The following ASMTL variants were observed in gnomAD, a reference collection of about 807,000 sequenced individuals.
The protein encoded by ASMTL is acetylserotonin O-methyltransferase like.
ASMTL carries 57 observed loss-of-function variants against 60.3 expected under a neutral mutation model. The ratio of observed to expected loss-of-function variants is 0.95; its 90% CI spans 0.76 to 1.18. The LOEUF is 1.18. Ranked by LOEUF, ASMTL falls within the 50% of genes most tolerant of loss-of-function variation. The probability of loss-of-function intolerance (pLI) is 0.00; values close to 1 mark genes in which losing one functional copy is unlikely to be tolerated. For synonymous variants in ASMTL, 419 were observed against 373.0 expected (o/e 1.12, Z -1.42); for missense variants, 981 against 852.6 (o/e 1.15, Z -1.88).
At chrX:1,408,195 A>G (rs2089938890) in intron 12 of ASMTL, among the ~76,000 whole-genome samples, 1 of 59,660 alleles carries the variant, frequency 1.7e-5, no homozygotes, top group African/African-American at 4.9e-5. Flanking sequence ...ACTCCCAAAT[A>G]CTCGGGAGGC....
upstream of ASMTL, among the ~76,000 whole-genome samples, chrX:1,453,436 C>G (rs1206926198): frequency 6.6e-6 from 1 of 151,976 alleles, no homozygotes; most frequent in Non-Finnish European, 1.5e-5. Context: ...CGGCGCTCGC[C>G]CCGCCCCTCC....
chrX:1,415,349 T>G, intron 11 of ASMTL, among the ~76,000 whole-genome samples: 1 of 152,170 alleles, frequency 6.6e-6, no homozygotes, highest in East Asian at 1.9e-4. Flanking sequence ...TGGATGCCCA[T>G]GAATGCTGAT....
chrX:1,423,923 T>C (rs752490532), intron 8 of ASMTL, among the ~76,000 whole-genome samples: 22 of 149,498 alleles, frequency 1.5e-4, no homozygotes, highest in Non-Finnish European at 2.8e-4. Context: ...CATCCACTGA[T>C]GGATCCACTG....
At chrX:1,433,689 A>G (rs1389928345) in intron 5 of ASMTL, among the ~76,000 whole-genome samples, 1 of 151,630 alleles carries the variant, frequency 6.6e-6, no homozygotes, top group Non-Finnish European at 1.5e-5. Flanking sequence ...CAAAAAAGAA[A>G]AAAAAAAGAG....
intron 9 of ASMTL, 46 bp downstream of exon 9, chrX:1,421,612 A>C: frequency 1.9e-6 from 3 of 1,607,712 alleles, no homozygotes; most frequent in Non-Finnish European, 2.6e-6. Context: ...GTGTTTTAGC[A>C]AAATGCACGC....
intron 7 of ASMTL, among the ~76,000 whole-genome samples, chrX:1,426,650 C>T (rs1264463832): frequency 6.6e-6 from 1 of 152,114 alleles, no homozygotes; most frequent in Non-Finnish European, 1.5e-5. Context: ...GTCAGGAGTT[C>T]GAGACCATCC....
In ASMTL at chrX:1,435,601, G is replaced by T. The variant is rs2090941305; in HGVS notation, c.338+93C>A. On this transcript the variant is annotated intron_variant, in intron 4 of 12. Coordinates refer to ENST00000381317, the MANE Select transcript of ASMTL (RefSeq NM_004192.4). ...CAGCTCAGACGGCAGAGCTGACAGA[G>T]ATCCACCCTGCTCCCCAGGACACCC... 5 of 1,241,296 alleles carry T rather than the reference G, an allele frequency of 4.0e-6. No individual in the cohort carries two copies. The South Asian group carries it at 6.1e-5, about 15-fold the overall frequency. The allele number at this position is 1,241,296 out of a possible 1,614,324, so 76.9% of individuals were successfully genotyped here.
At chrX:1,430,802 A>G (rs1379331158) in intron 6 of ASMTL, among the ~76,000 whole-genome samples, 2 of 147,420 alleles carry the variant, frequency 1.4e-5, no homozygotes, top group African/African-American at 4.9e-5. Context: ...TTATATAAAT[A>G]TATAAAATAA....
At chrX:1,437,605 C>G (rs1194885855) in intron 3 of ASMTL, among the ~76,000 whole-genome samples, 12 of 152,022 alleles carry the variant, frequency 7.9e-5, no homozygotes, top group African/African-American at 2.9e-4. Context: ...GGCTTATGAA[C>G]AAAAGACATG....
chrX:1,419,889 G>C (rs2090425755), intron 9 of ASMTL, among the ~76,000 whole-genome samples: 1 of 152,094 alleles, frequency 6.6e-6, no homozygotes, highest in Non-Finnish European at 1.5e-5. Flanking sequence ...GTGCCTCTCG[G>C]CTTCTCCACC....
intron 8 of ASMTL, among the ~76,000 whole-genome samples, chrX:1,424,960 A>G (rs1443410425): frequency 8.0e-6 from 1 of 125,520 alleles, no homozygotes; most frequent in African/African-American, 2.9e-5. Flanking sequence ...CCATCCATCC[A>G]TCCATCCATC....
chrX:1,407,042 G>GTGGATGGATGGATGGA (rs2089882407), intron 12 of ASMTL, among the ~76,000 whole-genome samples: 1 of 147,980 alleles, frequency 6.8e-6, no homozygotes, highest in East Asian at 2.0e-4. Context: ...TGATGGGTAG[G>GTGGATGGATGGATGGA]TAGATGGATG....
intron 11 of ASMTL, among the ~76,000 whole-genome samples, chrX:1,415,236 G>T (rs749027068): frequency 2.4e-3 from 16 of 6,792 alleles, no homozygotes; most frequent in African/African-American, 3.3e-3. Context: ...CTGTCAATCC[G>T]TCCTGGCCTC....
At chrX:1,452,253 G>C (rs1382813216) in intron 1 of ASMTL, among the ~76,000 whole-genome samples, 1 of 143,106 alleles carries the variant, frequency 7.0e-6, no homozygotes, top group Non-Finnish European at 1.5e-5. Context: ...ATCCCTAGGG[G>C]TCCCGGGTTA....
intron 9 of ASMTL, among the ~76,000 whole-genome samples, chrX:1,421,324 A>G (rs1364754042): frequency 6.6e-6 from 1 of 151,492 alleles, no homozygotes; most frequent in Non-Finnish European, 1.5e-5. Flanking sequence ...CTGGTCTCAA[A>G]CTCCCGGGCT....
At chrX:1,452,924 G>A (rs1336543807), upstream of ASMTL, 4 of 1,135,380 alleles carry the variant, frequency 3.5e-6, no homozygotes, top group Admixed American at 2.9e-5. Flanking sequence ...AAAAACAGGC[G>A]GCCAGAGTCC....
intron 3 of ASMTL, 66 bp from the exon 4 acceptor site, chrX:1,435,824 G>C: frequency 3.0e-6 from 4 of 1,342,162 alleles, no homozygotes; most frequent in Non-Finnish European, 4.3e-6. Context: ...CAAGTCCCAC[G>C]GTCCCATTCG....
Position 1,419,089 on chromosome X carries a change from G to A in ASMTL, c.1271C>T (p.Thr424Met), listed in dbSNP as rs748450972. ...CATGGCCCGCATGAACCTCAGCCGC[G>A]TCTCCGGGCTCTGGTAGTACGCATC... ...FQDAYYQSPE[T>M]RLRFMRAMHG... Residue 424 changes from threonine to methionine, a missense_variant, in exon 10 of 13, where the codon ACG becomes ATG. Transcript: ENST00000381317. 1.6e-5 allele frequency: 25 copies of A among 1,611,304 alleles called. No homozygotes were observed. Among genetic ancestry groups the A allele is most frequent in the Middle Eastern group, 2.2e-4 (1 of 4,604 alleles).
chrX:1,447,441 G>C (rs1171923760), intron 1 of ASMTL, among the ~76,000 whole-genome samples: 3 of 150,862 alleles, frequency 2.0e-5, no homozygotes, highest in African/African-American at 7.3e-5. Flanking sequence ...CACCATCTTG[G>C]ACACACACCA....
Sources: allele counts gnomAD v4.1 joint callset (sites outside exome capture counted in the v4.1 genomes callset), GRCh38; gene constraint gnomAD v4.1.1; transcripts MANE v1.5; gene names NCBI Gene and HGNC (gene_info 2026-07-23, HGNC 2026-07-21).